The following RBFOX2 variants were observed in gnomAD, a reference collection of about 807,000 sequenced individuals.
RBFOX2 encodes the protein RNA binding protein fox-1 homolog 2.
A neutral mutation model predicts 49.1 loss-of-function variants in RBFOX2; 10 were observed. That is an observed-to-expected ratio of 0.20 (90% CI 0.13 to 0.35). The LOEUF is 0.35. Among genes scored for constraint, RBFOX2 ranks in the 10% least tolerant of loss-of-function variants. RBFOX2 has a pLI of 1.00. For missense variants in RBFOX2, 323 were observed against 486.9 expected, an observed-to-expected ratio of 0.66 and a Z score of 3.17; for synonymous variants, 183 against 187.4, an observed-to-expected ratio of 0.98 and a Z score of 0.19.
At chr22:35,917,031 G>A (rs1013993052) in intron 1 of RBFOX2, among the ~76,000 whole-genome samples, 3 of 152,050 alleles carry the variant, frequency 2.0e-5, no homozygotes, top group Admixed American at 6.6e-5. Flanking sequence ...GGAATAACAC[G>A]GCCATCTGAC....
At chr22:35,781,600 C>G in exon 3 of RBFOX2, 1 of 1,613,480 alleles carries the variant, frequency 6.2e-7, no homozygotes, top group Non-Finnish European at 8.5e-7. Flanking sequence ...AGAGACTTAC[C>G]CCAAACATCT....
At chr22:35,822,687 C>T (rs1223189708) in intron 1 of RBFOX2, 1 of 366,272 alleles carries the variant, frequency 2.7e-6, no homozygotes, top group East Asian at 7.6e-5. Context: ...AATGCCCTCC[C>T]TCTCCATCCC....
At chr22:35,746,019 A>T (rs1235059945) in intron 10 of RBFOX2, 24 bp from the exon 13 acceptor site, 1 of 1,587,824 alleles carries the variant, frequency 6.3e-7, no homozygotes, top group African/African-American at 1.3e-5. Context: ...ACACAATCAG[A>T]CAGATAAAGA....
intron 1 of RBFOX2, among the ~76,000 whole-genome samples, chr22:35,895,312 T>C (rs1304277157): frequency 6.6e-6 from 1 of 152,204 alleles, no homozygotes; most frequent in Non-Finnish European, 1.5e-5. Context: ...TAGTTTAAGA[T>C]GAGTTCTTTA....
At chr22:35,976,472 A>G (rs1296858220) in intron 1 of RBFOX2, among the ~76,000 whole-genome samples, 1 of 152,146 alleles carries the variant, frequency 6.6e-6, no homozygotes, top group Non-Finnish European at 1.5e-5. Context: ...CCTTTCACAA[A>G]TATTTCCCTT....
intron 1 of RBFOX2, among the ~76,000 whole-genome samples, chr22:36,003,438 T>C (rs1034995025): frequency 2.0e-5 from 3 of 152,166 alleles, no homozygotes; most frequent in Non-Finnish European, 2.9e-5. Context: ...CTTCTTAGCG[T>C]GGCATAAAAA....
At chr22:35,814,682 G>C (rs946773849) in intron 1 of RBFOX2, among the ~76,000 whole-genome samples, 41 of 129,950 alleles carry the variant, frequency 3.2e-4, no homozygotes, top group African/African-American at 1.2e-3. Flanking sequence ...CTGCATTCCA[G>C]CCTGGGCGAC....
chr22:35,823,978 T>A (rs774477621), intron 1 of RBFOX2, among the ~76,000 whole-genome samples: 5 of 151,894 alleles, frequency 3.3e-5, no homozygotes, highest in Non-Finnish European at 5.9e-5. Context: ...TGAAACCCCA[T>A]CTCTACTAAA....
intron 9 of RBFOX2, among the ~76,000 whole-genome samples, chr22:35,757,855 C>G (rs887448823): frequency 6.6e-6 from 1 of 152,000 alleles, no homozygotes; most frequent in Non-Finnish European, 1.5e-5. Context: ...GCACTGAGAC[C>G]AAGTGGTGAT....
At chr22:35,862,758 A>T (rs77119945) in intron 1 of RBFOX2, among the ~76,000 whole-genome samples, 1 of 152,176 alleles carries the variant, frequency 6.6e-6, no homozygotes, top group South Asian at 2.1e-4. Flanking sequence ...GTAATTTGAG[A>T]AAAGTTATTT....
At chr22:35,928,228 A>ATG (rs541960018) in intron 1 of RBFOX2, among the ~76,000 whole-genome samples, 9 of 152,158 alleles carry the variant, frequency 5.9e-5, no homozygotes, top group African/African-American at 2.2e-4. Flanking sequence ...GTGTGTGCAT[A>ATG]TGTGTGTGTG....
intron 1 of RBFOX2, among the ~76,000 whole-genome samples, chr22:35,888,409 C>T (rs574087861): frequency 1.3e-5 from 2 of 152,310 alleles, no homozygotes; most frequent in African/African-American, 2.4e-5. Context: ...CTTACACCAA[C>T]CTAGATGGTC....
At chr22:35,764,869 A>G (rs887714689) in intron 6 of RBFOX2, among the ~76,000 whole-genome samples, 1 of 152,182 alleles carries the variant, frequency 6.6e-6, no homozygotes, top group African/African-American at 2.4e-5. Flanking sequence ...TTCCTTCTCA[A>G]TGAGAAAAAC....
chr22:35,868,533 T>C (rs1037265837), intron 1 of RBFOX2, among the ~76,000 whole-genome samples: 5 of 152,072 alleles, frequency 3.3e-5, no homozygotes, highest in Admixed American at 1.3e-4. Context: ...GAGGACTGCT[T>C]CAGCCCAGGA....
chr22:35,794,903 G>A (rs988559881), intron 2 of RBFOX2, among the ~76,000 whole-genome samples: 1 of 152,090 alleles, frequency 6.6e-6, no homozygotes, highest in African/African-American at 2.4e-5. Context: ...GGAGTAAGTA[G>A]GTAAGTAAAT....
chr22:35,992,145 C>T (rs2058008567), intron 1 of RBFOX2, among the ~76,000 whole-genome samples: 2 of 152,168 alleles, frequency 1.3e-5, no homozygotes, highest in African/African-American at 4.8e-5. Context: ...TACCTTGCCA[C>T]ACCAGCGGAT....
intron 1 of RBFOX2, among the ~76,000 whole-genome samples, chr22:35,944,764 G>C (rs756397308): frequency 1.3e-5 from 2 of 152,004 alleles, no homozygotes; most frequent in Non-Finnish European, 2.9e-5. Flanking sequence ...ACACAACAAA[G>C]TTAAACCAAG....
chr22:36,004,465 A>G (rs1251669373), intron 1 of RBFOX2, among the ~76,000 whole-genome samples: 1 of 152,138 alleles, frequency 6.6e-6, no homozygotes. Context: ...GGTAACGTGC[A>G]CTCAGCTACA....
intron 1 of RBFOX2, among the ~76,000 whole-genome samples, chr22:35,876,701 A>AACACATACACACAC (rs1556293837): frequency 7.1e-6 from 1 of 140,458 alleles, no homozygotes; most frequent in African/African-American, 2.6e-5. Context: ...CATTAAAAGA[A>AACACATACACACAC]ACACACACAC....
Sources: gnomAD v4.1 joint callset for allele counts (sites outside exome capture counted in the v4.1 genomes callset) on GRCh38, gnomAD v4.1.1 for gene constraint, MANE v1.5 for transcripts, NCBI Gene and HGNC (gene_info 2026-07-23, HGNC 2026-07-21) for gene names.